Variants in GNG12 observed in about 807,000 individuals in gnomAD.
The protein encoded by GNG12 is G protein subunit gamma 12, also known as guanine nucleotide-binding protein G(I)/G(S)/G(O) subunit gamma-12.
For missense variants in GNG12, 69 were observed against 83.8 expected, an observed-to-expected ratio of 0.82 and a Z score of 0.69; for synonymous variants, 28 against 29.7, an observed-to-expected ratio of 0.94 and a Z score of 0.19.
chr1:67,728,967 C>G (rs999832225), intron 2 of GNG12, among the ~76,000 whole-genome samples: 1 of 152,150 alleles, frequency 6.6e-6, no homozygotes, highest in Admixed American at 6.5e-5. Flanking sequence ...TTAAGAGGTA[C>G]CTCTGTGAAA....
At chr1:67,767,988 G>C (rs1480791858) in intron 2 of GNG12, among the ~76,000 whole-genome samples, 1 of 152,222 alleles carries the variant, frequency 6.6e-6, no homozygotes, top group East Asian at 1.9e-4. Flanking sequence ...CGTTGCGGAG[G>C]CTGGACTCGA....
chr1:67,752,096 C>T (rs1156906888), intron 2 of GNG12, among the ~76,000 whole-genome samples: 1 of 152,324 alleles, frequency 6.6e-6, no homozygotes, highest in South Asian at 2.1e-4. Context: ...CAATTGATTA[C>T]GCTGACCCTT....
chr1:67,775,698 G>GAGCT (rs2100760930), intron 2 of GNG12, among the ~76,000 whole-genome samples: 1 of 152,348 alleles, frequency 6.6e-6, no homozygotes, highest in African/African-American at 2.4e-5. Context: ...AAGTGAGTAG[G>GAGCT]AGCTAGGAGG....
At chr1:67,794,958 A>T (rs1025130090) in intron 1 of GNG12, among the ~76,000 whole-genome samples, 1 of 152,174 alleles carries the variant, frequency 6.6e-6, no homozygotes, top group Non-Finnish European at 1.5e-5. Context: ...GCATTTCACT[A>T]AGCACTGTGG....
intron 1 of GNG12, among the ~76,000 whole-genome samples, chr1:67,792,509 A>G (rs570781177): frequency 6.6e-6 from 1 of 152,304 alleles, no homozygotes; most frequent in East Asian, 1.9e-4. Flanking sequence ...ATAAAACCTC[A>G]TGGCTACATT....
intron 2 of GNG12, among the ~76,000 whole-genome samples, chr1:67,739,491 C>T (rs560846859): frequency 3.9e-5 from 6 of 152,224 alleles, no homozygotes; most frequent in Non-Finnish European, 8.8e-5. Context: ...GCTGACATCA[C>T]ACAACTGATG....
At chr1:67,725,841 T>G (rs560713916) in intron 2 of GNG12, among the ~76,000 whole-genome samples, 1 of 152,268 alleles carries the variant, frequency 6.6e-6, no homozygotes, top group Non-Finnish European at 1.5e-5. Flanking sequence ...CTCAGAAATA[T>G]TATTTCAAGT....
chr1:67,708,534 G>A (rs2100668949), intron 2 of GNG12, among the ~76,000 whole-genome samples: 1 of 152,306 alleles, frequency 6.6e-6, no homozygotes, highest in South Asian at 2.1e-4. Flanking sequence ...CCTCTAGGCT[G>A]CCCTGCTGCC....
chr1:67,808,412 T>G (rs535330205), intron 1 of GNG12, among the ~76,000 whole-genome samples: 1 of 152,132 alleles, frequency 6.6e-6, no homozygotes, highest in African/African-American at 2.4e-5. Flanking sequence ...GATGTCCCTC[T>G]CATCACTGCT....
chr1:67,705,789 G>A (rs903998171), intron 3 of GNG12, among the ~76,000 whole-genome samples: 2 of 152,134 alleles, frequency 1.3e-5, no homozygotes, highest in Admixed American at 6.5e-5. Flanking sequence ...TCTTAACCAA[G>A]CAACTTAACA....
rs1406355735 is a variant in GNG12, at chr1:67,704,535, T to A, written c.*916A>T. ...CTCAGCTGGGCTCATGTTCACTCCG[T>A]TTCATTCCAATCATCAGGGTGGAGA... On this transcript the variant is annotated 3_prime_UTR_variant, in exon 4 of 4. Coordinates refer to ENST00000370982, the MANE Select transcript of GNG12 (RefSeq NM_018841.6). The A allele has an allele frequency of 6.6e-6, 1 of 152,566 alleles. No homozygotes were observed. Among genetic ancestry groups the A allele is most frequent in the East Asian group, 1.9e-4 (1 of 5,176 alleles). 9.5% of individuals were successfully genotyped at this position (152,566 alleles called of 1,614,324 possible).
At chr1:67,761,675 C>T (rs1646605652) in intron 2 of GNG12, among the ~76,000 whole-genome samples, 2 of 152,134 alleles carry the variant, frequency 1.3e-5, no homozygotes, top group Admixed American at 6.5e-5. Context: ...AAACACATTT[C>T]CAACAGTTCA....
chr1:67,784,902 GATC>G (rs1384193086), intron 1 of GNG12, among the ~76,000 whole-genome samples: 1 of 152,280 alleles, frequency 6.6e-6, no homozygotes, highest in East Asian at 1.9e-4. Context: ...TATCCACGCT[GATC>G]ATCATAGCAA....
At chr1:67,717,280 C>T (rs1161576613) in intron 2 of GNG12, among the ~76,000 whole-genome samples, 2 of 152,120 alleles carry the variant, frequency 1.3e-5, no homozygotes, top group Non-Finnish European at 2.9e-5. Flanking sequence ...CTTTGGGAGG[C>T]CGAGGCAGGC....
intron 2 of GNG12, among the ~76,000 whole-genome samples, chr1:67,732,650 C>T (rs1646426812): frequency 6.6e-6 from 1 of 152,196 alleles, no homozygotes; most frequent in South Asian, 2.1e-4. Context: ...GCTTTTGAAG[C>T]TCTTTCATGT....
rs190580980 is a variant in GNG12, at chr1:67,705,348, G to A, written c.*103C>T. 1.0e-3 allele frequency: 1,562 copies of A among 1,501,300 alleles called. 3 individuals carry two copies. The highest frequency in any genetic ancestry group is 1.3e-3 in the Non-Finnish European group (1,461 of 1,128,372). 93.0% of individuals were successfully genotyped at this position (1,501,300 alleles called of 1,614,324 possible). ...ATTATTCCAAGCTGAGAACATTTTA[G>A]TTATTAGCAGTGGTTACCAAATAAG... On this transcript the variant is annotated 3_prime_UTR_variant, in exon 4 of 4. Transcript: ENST00000370982.
chr1:67,744,302 C>T (rs567825148), intron 2 of GNG12, among the ~76,000 whole-genome samples: 2 of 152,178 alleles, frequency 1.3e-5, no homozygotes, highest in South Asian at 2.1e-4. Context: ...GCTGGTTCCC[C>T]GGGTGCCTAC....
At chr1:67,810,680 C>G (rs1006002363) in intron 1 of GNG12, among the ~76,000 whole-genome samples, 2 of 152,318 alleles carry the variant, frequency 1.3e-5, no homozygotes, top group South Asian at 2.1e-4. Context: ...ATTCTCCCTC[C>G]TCCTCCCCAC....
intron 1 of GNG12, among the ~76,000 whole-genome samples, chr1:67,794,007 G>A (rs1472838377): frequency 6.6e-6 from 1 of 152,162 alleles, no homozygotes; most frequent in Non-Finnish European, 1.5e-5. Flanking sequence ...CTCTCATAGA[G>A]AGACATAACA....
Sources: gnomAD v4.1 joint callset for allele counts (sites outside exome capture counted in the v4.1 genomes callset) on GRCh38, gnomAD v4.1.1 for gene constraint, MANE v1.5 for transcripts, NCBI Gene and HGNC (gene_info 2026-07-23, HGNC 2026-07-21) for gene names.